SPMIP7: variants seen among roughly 807,000 people sequenced by gnomAD.
The protein encoded by SPMIP7 is protein SPMIP7.
the SPMIP7 span, among the ~76,000 whole-genome samples, chr7:50,126,613 A>G: frequency 6.6e-6 from 1 of 152,054 alleles, no homozygotes. Flanking sequence ...TATTTCTCAC[A>G]TACACAAACA....
At chr7:50,125,385 C>CATAT in the SPMIP7 span, among the ~76,000 whole-genome samples, 1 of 145,442 alleles carries the variant, frequency 6.9e-6, no homozygotes, top group African/African-American at 2.5e-5. Context: ...CACATATACA[C>CATAT]ACATATATAT....
the SPMIP7 span, among the ~76,000 whole-genome samples, chr7:50,108,847 A>T: frequency 6.6e-6 from 1 of 152,188 alleles, no homozygotes; most frequent in Non-Finnish European, 1.5e-5. Context: ...TAGTTATTTC[A>T]GTTATCAAAG....
At chr7:50,125,361 T>TATACATATATATACATATATAC in the SPMIP7 span, among the ~76,000 whole-genome samples, 1 of 133,620 alleles carries the variant, frequency 7.5e-6, no homozygotes, top group African/African-American at 2.9e-5. Flanking sequence ...CACATATATA[T>TATACATATATATACATATATAC]ACACATATAT....
chr7:50,148,396 T>C, the SPMIP7 span, among the ~76,000 whole-genome samples: 1 of 152,254 alleles, frequency 6.6e-6, no homozygotes, highest in Non-Finnish European at 1.5e-5. Context: ...CAATGTTTTT[T>C]ATCAAGCCTT....
the SPMIP7 span, among the ~76,000 whole-genome samples, chr7:50,138,208 T>C: frequency 6.6e-6 from 1 of 152,204 alleles, no homozygotes; most frequent in Non-Finnish European, 1.5e-5. Flanking sequence ...CCAACATAAA[T>C]AGGCAATTAT....
the SPMIP7 span, among the ~76,000 whole-genome samples, chr7:50,129,474 G>T: frequency 3.3e-5 from 5 of 151,954 alleles, no homozygotes; most frequent in African/African-American, 1.2e-4. Flanking sequence ...TTTCTCTTAA[G>T]TTCTCACTTT....
chr7:50,101,751 G>A, the SPMIP7 span, among the ~76,000 whole-genome samples: 1 of 152,132 alleles, frequency 6.6e-6, no homozygotes, highest in Non-Finnish European at 1.5e-5. Context: ...TGTTGCTTGT[G>A]GCACAATAGA....
the SPMIP7 span, among the ~76,000 whole-genome samples, chr7:50,130,007 A>G: frequency 2.6e-5 from 4 of 152,116 alleles, no homozygotes; most frequent in African/African-American, 4.8e-5. Context: ...CATAACAGAA[A>G]GTAAATGGTC....
At chr7:50,151,305 C>A in the SPMIP7 span, 32 of 653,246 alleles carry the variant, frequency 4.9e-5, no homozygotes, top group Non-Finnish European at 1.6e-5. Flanking sequence ...TTGGACAGCC[C>A]AAGTTCCACA....
the SPMIP7 span, among the ~76,000 whole-genome samples, chr7:50,131,815 G>C: frequency 6.6e-6 from 1 of 152,134 alleles, no homozygotes; most frequent in Non-Finnish European, 1.5e-5. Flanking sequence ...CAGAGTGATA[G>C]AGTGAATGCC....
chr7:50,136,251 T>C, the SPMIP7 span: 1 of 996,772 alleles, frequency 1.0e-6, no homozygotes, highest in Non-Finnish European at 1.5e-6. Context: ...GCCCTTGGCT[T>C]AGAGGTGTGG....
At chr7:50,145,585 T>TGC in the SPMIP7 span, among the ~76,000 whole-genome samples, 18 of 99,168 alleles carry the variant, frequency 1.8e-4, no homozygotes, top group Admixed American at 1.8e-3. Context: ...TATATATATG[T>TGC]GCGTGTGTGT....
At chr7:50,134,078 A>C in the SPMIP7 span, 1 of 1,512,368 alleles carries the variant, frequency 6.6e-7, no homozygotes, top group Admixed American at 2.4e-5. Flanking sequence ...TATGCTTTTC[A>C]TAAGATGTTC....
chr7:50,125,115 T>TATATACAC, the SPMIP7 span, among the ~76,000 whole-genome samples: 13 of 25,414 alleles, frequency 5.1e-4, 1 homozygote, highest in African/African-American at 2.7e-3. Context: ...TATATATATA[T>TATATACAC]ACACACACAC....
At chr7:50,140,884 C>T in the SPMIP7 span, among the ~76,000 whole-genome samples, 1 of 152,202 alleles carries the variant, frequency 6.6e-6, no homozygotes, top group African/African-American at 2.4e-5. Flanking sequence ...GCCCAAGCTC[C>T]TCTGCACCTG....
At chr7:50,096,385 T>C in the SPMIP7 span, 1 of 1,552,068 alleles carries the variant, frequency 6.4e-7, no homozygotes, top group Non-Finnish European at 8.7e-7. Context: ...TTCGGGATGA[T>C]GTGACCTTAG....
chr7:50,099,563 G>T, the SPMIP7 span, among the ~76,000 whole-genome samples: 1 of 152,108 alleles, frequency 6.6e-6, no homozygotes, highest in Non-Finnish European at 1.5e-5. Flanking sequence ...TCACCCTTCA[G>T]CCTGGCCAGA....
the SPMIP7 span, among the ~76,000 whole-genome samples, chr7:50,118,287 A>G: frequency 1.3e-5 from 2 of 152,048 alleles, no homozygotes; most frequent in East Asian, 3.9e-4. Flanking sequence ...AAAGTTTTGC[A>G]CTCCACAAAG....
At chr7:50,130,240 A>C in the SPMIP7 span, among the ~76,000 whole-genome samples, 1 of 152,244 alleles carries the variant, frequency 6.6e-6, no homozygotes, top group East Asian at 1.9e-4. Context: ...ATAAAGACAT[A>C]CCAGAGACTA....
Sources: gnomAD v4.1 joint callset for allele counts (sites outside exome capture counted in the v4.1 genomes callset) on GRCh38, gnomAD v4.1.1 for gene constraint, MANE v1.5 for transcripts, NCBI Gene and HGNC (gene_info 2026-07-23, HGNC 2026-07-21) for gene names.